The following PLD1 variants were observed in gnomAD, a reference collection of about 807,000 sequenced individuals.
The protein encoded by PLD1 is phospholipase D1.
PLD1 carries 112 observed loss-of-function variants against 137.1 expected under a neutral mutation model. The observed-to-expected ratio is 0.82, with a 90% CI of 0.70 to 0.96. The LOEUF (loss-of-function observed/expected upper bound fraction) is 0.96. PLD1 is among the 40% of genes least tolerant of loss of function. The pLI is 0.00. For missense variants in PLD1, 1,321 were observed against 1,342.0 expected (o/e 0.98, Z 0.24); for synonymous variants, 431 against 454.7 (o/e 0.95, Z 0.66).
intron 1 of PLD1, among the ~76,000 whole-genome samples, chr3:171,781,296 G>C (rs1722787983): frequency 1.3e-5 from 2 of 151,178 alleles, no homozygotes; most frequent in Admixed American, 1.3e-4. Context: ...TCTCAACCAT[G>C]ACCTCACACC....
intron 1 of PLD1, among the ~76,000 whole-genome samples, chr3:171,760,248 A>G (rs1408661818): frequency 6.6e-6 from 1 of 152,172 alleles, no homozygotes; most frequent in African/African-American, 2.4e-5. Flanking sequence ...GTGATTTAAA[A>G]TCTAGCAGGT....
chr3:171,773,348 C>A (rs146406251), intron 1 of PLD1, among the ~76,000 whole-genome samples: 1 of 152,144 alleles, frequency 6.6e-6, no homozygotes, highest in Non-Finnish European at 1.5e-5. Flanking sequence ...AAGCCCAGCA[C>A]GTTGGGAGGC....
intron 11 of PLD1, among the ~76,000 whole-genome samples, chr3:171,707,375 G>A (rs1716774839): frequency 6.6e-6 from 1 of 152,118 alleles, no homozygotes; most frequent in African/African-American, 2.4e-5. Flanking sequence ...ATTATTTTTA[G>A]TCTCTCTCAC....
chr3:171,690,751 C>T (rs534093895), intron 13 of PLD1, among the ~76,000 whole-genome samples: 2 of 152,296 alleles, frequency 1.3e-5, no homozygotes, highest in African/African-American at 2.4e-5. Flanking sequence ...AGCAGCCTAA[C>T]AGATGGTCCT....
intron 19 of PLD1, among the ~76,000 whole-genome samples, chr3:171,668,279 A>C (rs1445020965): frequency 1.3e-5 from 2 of 152,224 alleles, no homozygotes; most frequent in East Asian, 3.9e-4. Context: ...TGGCCCATAC[A>C]TGGAAAACAA....
chr3:171,672,314 G>A (rs572398430), intron 19 of PLD1, among the ~76,000 whole-genome samples: 9 of 152,254 alleles, frequency 5.9e-5, no homozygotes, highest in African/African-American at 2.2e-4. Context: ...ACTTCACCAT[G>A]CAAACGGACA....
chr3:171,661,804 G>A (rs1311596159), intron 20 of PLD1, among the ~76,000 whole-genome samples: 4 of 152,188 alleles, frequency 2.6e-5, no homozygotes, highest in Non-Finnish European at 5.9e-5. Flanking sequence ...ATTACAATGA[G>A]TTGATGATGC....
intron 1 of PLD1, among the ~76,000 whole-genome samples, chr3:171,810,075 G>A (rs1724051101): frequency 6.6e-6 from 1 of 152,212 alleles, no homozygotes; most frequent in South Asian, 2.1e-4. Flanking sequence ...GCCCTGTGGC[G>A]GCGAGGCGGT....
intron 14 of PLD1, among the ~76,000 whole-genome samples, chr3:171,687,898 T>C (rs1367237687): frequency 6.6e-6 from 1 of 152,226 alleles, no homozygotes; most frequent in East Asian, 1.9e-4. Flanking sequence ...CTGAACTTGT[T>C]CCTCTAATAA....
chr3:171,712,367 T>C (rs1178965303), intron 9 of PLD1, among the ~76,000 whole-genome samples: 2 of 152,148 alleles, frequency 1.3e-5, no homozygotes, highest in Non-Finnish European at 1.5e-5. Context: ...ACTACTCCAA[T>C]TGAGCTAAAA....
intron 11 of PLD1, among the ~76,000 whole-genome samples, chr3:171,706,455 A>G (rs980780225): frequency 2.6e-5 from 4 of 152,134 alleles, no homozygotes; most frequent in Non-Finnish European, 5.9e-5. Flanking sequence ...TTTGTGAGTC[A>G]GTTAGTAATG....
intron 1 of PLD1, among the ~76,000 whole-genome samples, chr3:171,757,097 A>G (rs968547328): frequency 1.6e-4 from 24 of 152,248 alleles, no homozygotes; most frequent in Admixed American, 1.4e-3. Flanking sequence ...AATTGCCTAT[A>G]CTAAAAAGAA....
At chr3:171,732,655 T>C (rs894284814) in intron 6 of PLD1, among the ~76,000 whole-genome samples, 3 of 152,216 alleles carry the variant, frequency 2.0e-5, no homozygotes, top group Admixed American at 2.0e-4. Context: ...AACTCTAGAG[T>C]TCTGCACATA....
intron 1 of PLD1, among the ~76,000 whole-genome samples, chr3:171,798,645 T>G (rs1188314875): frequency 6.6e-6 from 1 of 152,238 alleles, no homozygotes; most frequent in Non-Finnish European, 1.5e-5. Flanking sequence ...AAGTGCTTAT[T>G]ATGTATGCTT....
At chr3:171,787,336 G>A (rs567948521) in intron 1 of PLD1, among the ~76,000 whole-genome samples, 13 of 152,178 alleles carry the variant, frequency 8.5e-5, no homozygotes, top group Admixed American at 7.8e-4. Context: ...TTGTTATGTT[G>A]GAATAGATTA....
intron 5 of PLD1, 26 bp from the exon 6 acceptor site, chr3:171,733,535 T>G (rs773513943): frequency 5.2e-5 from 44 of 847,676 alleles, no homozygotes; most frequent in Admixed American, 1.7e-4. Context: ...TTTAGATAAG[T>G]GTTAACATGG....
intron 19 of PLD1, among the ~76,000 whole-genome samples, chr3:171,664,903 T>A (rs759799022): frequency 2.0e-5 from 3 of 152,150 alleles, no homozygotes; most frequent in Non-Finnish European, 4.4e-5. Context: ...AAAAATGGCA[T>A]AACAAACACA....
chr3:171,792,918 G>A (rs1011472538), intron 1 of PLD1: 11 of 327,758 alleles, frequency 3.4e-5, no homozygotes, highest in Admixed American at 8.8e-5. Context: ...AAGCCAAAGC[G>A]GAAGACTCCC....
chr3:171,756,002 T>G (rs1263402640), intron 1 of PLD1, among the ~76,000 whole-genome samples: 9 of 152,208 alleles, frequency 5.9e-5, no homozygotes, highest in Admixed American at 3.9e-4. Context: ...AACTCATCCT[T>G]AGCAATTCTC....
Sources: allele counts gnomAD v4.1 joint callset (sites outside exome capture counted in the v4.1 genomes callset), GRCh38; gene constraint gnomAD v4.1.1; transcripts MANE v1.5; gene names NCBI Gene and HGNC (gene_info 2026-07-23, HGNC 2026-07-21).